The following BIRC2 variants were observed in gnomAD, a reference collection of about 807,000 sequenced individuals.
The protein encoded by BIRC2 is baculoviral IAP repeat-containing protein 2.
A neutral mutation model predicts 60.9 loss-of-function variants in BIRC2; 18 were observed. The ratio of observed to expected loss-of-function variants is 0.30; its 90% CI spans 0.20 to 0.44. BIRC2 has a LOEUF of 0.44. Among genes scored for constraint, BIRC2 ranks in the 20% least tolerant of loss-of-function variants. The probability of loss-of-function intolerance (pLI) is 1.00; values close to 1 mark genes in which losing one functional copy is unlikely to be tolerated. For synonymous variants in BIRC2, 282 were observed against 247.7 expected, an observed-to-expected ratio of 1.14 and a Z score of -1.30; for missense variants, 701 against 728.5, an observed-to-expected ratio of 0.96 and a Z score of 0.43.
At chr11:102,363,758 T>C (rs371889478) in intron 5 of BIRC2, 42 bp downstream of exon 5, 7 of 1,539,994 alleles carry the variant, frequency 4.5e-6, no homozygotes, top group Admixed American at 3.4e-5. Flanking sequence ...TAAATTTTTA[T>C]AAGAATTTTA....
rs371049106 is a variant in BIRC2, at chr11:102,356,659, A to ATATTAT, written c.995+5731_995+5736dup. 3.4e-5 allele frequency among the ~76,000 whole-genome samples: 5 copies of ATATTAT among 148,278 alleles called. 1 individual carries two copies. The highest frequency in any genetic ancestry group is 4.2e-4 in the South Asian group (2 of 4,720). On this transcript the variant is annotated intron_variant, in intron 3 of 8. Coordinates refer to ENST00000227758, the MANE Select transcript of BIRC2 (RefSeq NM_001166.5). ...TTTTTCTGTGTCTGTTGAGATGTTT[A>ATATTAT]TATTATTATTATTATTATTAATTTT...
intron 3 of BIRC2, among the ~76,000 whole-genome samples, chr11:102,352,513 C>T (rs976689046): frequency 1.3e-5 from 2 of 152,072 alleles, no homozygotes; most frequent in Admixed American, 6.6e-5. Context: ...CAGGTTCAAG[C>T]GATTCTCCTG....
intron 3 of BIRC2, among the ~76,000 whole-genome samples, chr11:102,362,027 A>G (rs1205245949): frequency 6.6e-6 from 1 of 151,816 alleles, no homozygotes; most frequent in Non-Finnish European, 1.5e-5. Context: ...TTTCTTTAAC[A>G]TTGTCTTTTG....
At chr11:102,377,833 G>A (rs920591558) in intron 7 of BIRC2, 24 bp from the exon 8 acceptor site, 3 of 1,599,724 alleles carry the variant, frequency 1.9e-6, no homozygotes, top group East Asian at 2.2e-5. Context: ...GTAGAGTAAT[G>A]GTTTTTATGT....
At chr11:102,362,824 A>G in intron 3 of BIRC2, 72 bp from the exon 4 acceptor site, 1 of 1,236,408 alleles carries the variant, frequency 8.1e-7, no homozygotes, top group Admixed American at 2.0e-5. Flanking sequence ...TTTGAAAGCC[A>G]TTTTTCTAGA....
chr11:102,356,578 A>G (rs988310517), intron 3 of BIRC2, among the ~76,000 whole-genome samples: 45 of 151,906 alleles, frequency 3.0e-4, no homozygotes, highest in Non-Finnish European at 1.9e-4. Context: ...TATTCCTTCT[A>G]TAGCTAAATT....
chr11:102,349,795 G>GTTCATGTGAAGAAAT lies in BIRC2; in HGVS notation c.-49_-35dup. On this transcript the variant is annotated 5_prime_UTR_variant, in exon 2 of 9. It adds an upstream start codon to the 5' untranslated region. Transcript: ENST00000227758. ...ATTTCTTTTTGTGGTAAAAATCTTA[G>GTTCATGTGAAGAAAT]TTCATGTGAAGAAATTTCATGTGAA... The GTTCATGTGAAGAAAT allele has an allele frequency of 6.7e-7, 1 of 1,485,414 alleles. No individual in the cohort carries two copies. The highest frequency in any genetic ancestry group is 9.0e-7 in the Non-Finnish European group (1 of 1,105,108). 92.0% of individuals were successfully genotyped at this position (1,485,414 alleles called of 1,614,324 possible).
chr11:102,351,091 T>TTTAA (rs1258563426), intron 3 of BIRC2, 148 bp downstream of exon 3: 1 of 753,702 alleles, frequency 1.3e-6, no homozygotes, highest in Admixed American at 2.9e-5. Flanking sequence ...ACATTTTAAC[T>TTTAA]TTAATTATTT....
At position 102,378,233 on chromosome 11, in the gene BIRC2, G is replaced by A; in HGVS notation, c.*50G>A. ...TGCATAAAAAGGTCTTTAAAATATT[G>A]TTGAACACTTGAAGCCATCTAAAGT... is the stretch of plus-strand genomic sequence containing the variant. On this transcript the variant is annotated 3_prime_UTR_variant, in exon 9 of 9. Transcript: ENST00000227758. The A allele has an allele frequency of 2.9e-6, 4 of 1,396,392 alleles. No individual in the cohort carries two copies. Among genetic ancestry groups the A allele is most frequent in the Non-Finnish European group, 3.8e-6 (4 of 1,044,676 alleles). The allele number at this position is 1,396,392 out of a possible 1,614,324, so 86.5% of individuals were successfully genotyped here.
intron 3 of BIRC2, among the ~76,000 whole-genome samples, chr11:102,357,184 C>A (rs1951432309): frequency 6.6e-6 from 1 of 152,048 alleles, no homozygotes; most frequent in African/African-American, 2.4e-5. Flanking sequence ...CTTGTGTTGT[C>A]CTGGTCTGGC....
chr11:102,349,860 C>T lies in BIRC2; in HGVS notation c.6C>T (p.His2=). ...AACAGTACTGTCACCTACTCATGCA[C>T]AAAACTGCCTCCCAAAGACTTTTCC... M[H]KTASQRLFPG... is the part of the protein sequence containing the mutation. The change falls in exon 2 of 9, where the codon CAC becomes CAT. Residue 2 remains histidine, a synonymous_variant. Coordinates refer to ENST00000227758, the MANE Select transcript of BIRC2 (RefSeq NM_001166.5). The T allele has an allele frequency of 5.0e-6, 8 of 1,600,752 alleles. No individual in the cohort carries two copies. The highest frequency in any genetic ancestry group is 6.8e-6 in the Non-Finnish European group (8 of 1,172,742).
chr11:102,365,586 T>C (rs34694117), intron 5 of BIRC2, among the ~76,000 whole-genome samples: 3 of 152,298 alleles, frequency 2.0e-5, no homozygotes, highest in African/African-American at 7.2e-5. Context: ...TTGTTTTTTC[T>C]TTTTGTGAAA....
intron 6 of BIRC2, among the ~76,000 whole-genome samples, chr11:102,374,389 C>G (rs1424324851): frequency 2.2e-4 from 33 of 148,230 alleles, no homozygotes; most frequent in Non-Finnish European, 2.9e-4. Flanking sequence ...TTCTAACAGA[C>G]AGGACCCTCA....
Position 102,350,901 on chromosome 11 carries a change from C to T in BIRC2, c.953C>T (p.Ser318Phe). 1 of 1,614,026 alleles carries T rather than the reference C, an allele frequency of 6.2e-7. No individual in the cohort carries two copies. The highest frequency in any genetic ancestry group is 8.5e-7 in the Non-Finnish European group (1 of 1,180,006). ...CCDGGLRCWE[S>F]GDDPWVEHAK... ...GATGGTGGCTTGAGGTGTTGGGAATCTGGAGATGATCCATGGGTAGAACAT... is the reference window on the plus strand; with the variant it reads ...GATGGTGGCTTGAGGTGTTGGGAATTTGGAGATGATCCATGGGTAGAACAT... The change falls in exon 3 of 9, where the codon TCT becomes TTT. Residue 318 changes from serine to phenylalanine, a missense_variant. Ser to Phe is a radical substitution (Grantham distance 155). This residue lies in a region of BIRC2 where 39 missense variants were observed against 69.8 expected (regional missense o/e 0.56). Coordinates refer to ENST00000227758, the MANE Select transcript of BIRC2 (RefSeq NM_001166.5).
chr11:102,360,784 G>GTTTTTTTTTTTTTGT (rs200030086), intron 3 of BIRC2, among the ~76,000 whole-genome samples: 2 of 129,374 alleles, frequency 1.5e-5, no homozygotes, highest in Non-Finnish European at 1.7e-5. Context: ...TGTTTTTTTT[G>GTTTTTTTTTTTTTGT]TTTTTTTTTT....
At chr11:102,375,091 G>A (rs970855312) in intron 6 of BIRC2, among the ~76,000 whole-genome samples, 5 of 152,218 alleles carry the variant, frequency 3.3e-5, no homozygotes, top group East Asian at 1.9e-4. Context: ...AGATGAACCC[G>A]GTACCTCAGA....
In BIRC2 at chr11:102,350,361, C is replaced by T. The variant is rs749151271; in HGVS notation, c.507C>T (p.Ile169=). The T allele has an allele frequency of 6.2e-7, 1 of 1,614,218 alleles. No individual in the cohort carries two copies. The highest frequency in any genetic ancestry group is 1.7e-5 in the Admixed American group (1 of 60,030). ...NPLNSRAVED[I]SSSRTNPYSY... ...TTAATTCTAGAGCAGTTGAAGACAT[C>T]TCTTCATCGAGGACTAACCCCTACA... Residue 169 remains isoleucine (I), a synonymous_variant, in exon 2 of 9, where the codon ATC becomes ATT. Transcript: ENST00000227758.
At chr11:102,354,160 T>A (rs1289081948) in intron 3 of BIRC2, among the ~76,000 whole-genome samples, 3 of 152,246 alleles carry the variant, frequency 2.0e-5, no homozygotes, top group Non-Finnish European at 4.4e-5. Context: ...CATATTTCAC[T>A]TGGCATAATG....
At position 102,377,662 on chromosome 11, in the gene BIRC2, T is replaced by C; in HGVS notation, c.1533T>C (p.Asp511=). ...QIPLQARELI[D]TILVKGNAAA... is the part of the protein sequence containing the mutation. Reference sequence around the variant, plus strand: ...CTTTACAAGCGAGAGAACTGATTGATACCATTTTGGTTAAAGGAAATGCTG... The same window carrying C: ...CTTTACAAGCGAGAGAACTGATTGACACCATTTTGGTTAAAGGAAATGCTG... The change falls in exon 7 of 9, where the codon GAT becomes GAC. Residue 511 remains aspartate, a synonymous_variant. Coordinates refer to ENST00000227758, the MANE Select transcript of BIRC2 (RefSeq NM_001166.5). 6.2e-7 allele frequency: 1 copy of C among 1,611,460 alleles called. No individual in the cohort carries two copies. The highest frequency in any genetic ancestry group is 8.5e-7 in the Non-Finnish European group (1 of 1,179,360).
Sources: allele counts gnomAD v4.1 joint callset (sites outside exome capture counted in the v4.1 genomes callset), GRCh38; gene constraint gnomAD v4.1.1; regional missense constraint gnomAD v4.1.1; transcripts MANE v1.5; gene names NCBI Gene and HGNC (gene_info 2026-07-23, HGNC 2026-07-21).